Variants in C2CD5 observed in about 807,000 individuals in gnomAD.
C2CD5 encodes the protein C2 domain-containing protein 5.
A neutral mutation model predicts 130.3 loss-of-function variants in C2CD5; 109 were observed. The observed-to-expected ratio is 0.84, with a 90% CI of 0.72 to 0.98. The LOEUF is 0.98. C2CD5 is among the 50% of genes least tolerant of loss of function. The pLI is 0.00. For missense variants in C2CD5, 996 were observed against 1,261.8 expected, an observed-to-expected ratio of 0.79 and a Z score of 3.19; for synonymous variants, 454 against 429.2, an observed-to-expected ratio of 1.06 and a Z score of -0.71.
Position 22,471,468 on chromosome 12 carries a change from T to C in C2CD5, c.2289A>G (p.Arg763=). Residue 763 remains arginine (R), a synonymous_variant, in exon 20 of 27, where the codon CGA becomes CGG. Coordinates refer to ENST00000446597, the MANE Select transcript of C2CD5 (RefSeq NM_001286176.2). ...GGCAAAGGCAGCAGGGGATCATAGA[T>C]CGTAGTTTAAAGTACAGGCTCTACA... ...NLLKSLYFKL[R]SMIPCCLCHV... is the part of the protein sequence containing the mutation. The C allele has an allele frequency of 6.3e-7, 1 of 1,597,984 alleles. No homozygotes were observed. Among genetic ancestry groups the C allele is most frequent in the East Asian group, 2.2e-5 (1 of 44,664 alleles).
At position 22,453,933 on chromosome 12, in the gene C2CD5, T is replaced by C. The variant is rs964458413; in HGVS notation, c.2987A>G (p.Lys996Arg). ...TGGATTCTCCATGAAGACACACTGC[T>C]TCATTATGTAGGAGACAACAGCATT... ...GGNAVVSYIMKQCVFMENPNK... is the reference protein window; with the variant it reads ...GGNAVVSYIMRQCVFMENPNK... Residue 996 changes from lysine to arginine, a missense_variant, in exon 26 of 27, where the codon AAG (lysine) becomes AGG (arginine). By Grantham distance (26) the Lys-to-Arg change is conservative. Around this residue, in one of 9 missense-constraint regions of C2CD5, gnomAD observed 51 missense variants for 99.5 expected, o/e 0.51. Coordinates refer to ENST00000446597, the MANE Select transcript of C2CD5 (RefSeq NM_001286176.2). 2.5e-6 allele frequency: 4 copies of C among 1,613,730 alleles called. No individual in the cohort carries two copies. The highest frequency in any genetic ancestry group is 3.4e-6 in the Non-Finnish European group (4 of 1,179,742).
At chr12:22,471,863 C>G in intron 19 of C2CD5, 104 bp downstream of exon 19, 1 of 694,456 alleles carries the variant, frequency 1.4e-6, no homozygotes, top group Non-Finnish European at 2.6e-6. Context: ...AAGAATGATT[C>G]AGCCCACAAC....
intron 22 of C2CD5, among the ~76,000 whole-genome samples, chr12:22,464,575 T>C (rs1267955640): frequency 1.3e-5 from 2 of 152,168 alleles, no homozygotes; most frequent in African/African-American, 4.8e-5. Context: ...CCTTCCCATT[T>C]CTGGGATGAG....
intron 4 of C2CD5, among the ~76,000 whole-genome samples, chr12:22,527,109 T>C (rs1384098909): frequency 6.6e-6 from 1 of 152,132 alleles, no homozygotes; most frequent in African/African-American, 2.4e-5. Context: ...AACTTTTAAG[T>C]ACAAAAATCA....
At chr12:22,464,147 A>G (rs938938517) in intron 22 of C2CD5, among the ~76,000 whole-genome samples, 7 of 152,218 alleles carry the variant, frequency 4.6e-5, no homozygotes, top group African/African-American at 1.7e-4. Flanking sequence ...TAAGGCACAC[A>G]GAAAGACAGA....
intron 3 of C2CD5, 40 bp downstream of exon 3, chr12:22,535,217 CA>C (rs770756795): frequency 5.4e-6 from 6 of 1,120,736 alleles, no homozygotes; most frequent in South Asian, 1.3e-5. Flanking sequence ...AGAGTCACCT[CA>C]AAAAAATACA....
chr12:22,506,952 G>A lies in C2CD5; in HGVS notation c.1039-133C>T, dbSNP rs1253838485. ...AGGCCACCCATTACACATCACACAT[G>A]CTTTGTAATTAAAAGTTTAATTAAA... On this transcript the variant is annotated intron_variant, in intron 9 of 26. Coordinates refer to ENST00000446597, the MANE Select transcript of C2CD5 (RefSeq NM_001286176.2). 18 of 593,906 alleles carry A rather than the reference G, an allele frequency of 3.0e-5. No individual in the cohort carries two copies. The Admixed American group carries it at 3.1e-4, about 10-fold the overall frequency. The allele number at this position is 593,906 out of a possible 1,614,324, so 36.8% of individuals were successfully genotyped here. A position where few individuals can be genotyped will look rare whatever the true frequency, so the allele number is the denominator to read the frequency against.
At position 22,506,838 on chromosome 12, in the gene C2CD5, G is replaced by C; in HGVS notation, c.1039-19C>G. 1 of 1,409,762 alleles carries C rather than the reference G, an allele frequency of 7.1e-7. No individual in the cohort carries two copies. The allele number at this position is 1,409,762 out of a possible 1,614,324, so 87.3% of individuals were successfully genotyped here. A position where few individuals can be genotyped will look rare whatever the true frequency, so the allele number is the denominator to read the frequency against. On this transcript the variant is annotated intron_variant, in intron 9 of 26. Transcript: ENST00000446597. ...GAAATTCCTAGTGGAAAGAATAAGG[G>C]AAAAATACAACTTATCGTGTGTAGA... is the stretch of plus-strand genomic sequence containing the variant.
At position 22,529,596 on chromosome 12, in the gene C2CD5, T is replaced by C. The variant is rs530596392; in HGVS notation, c.178-1704A>G. 9.8e-5 allele frequency among the ~76,000 whole-genome samples: 15 copies of C among 152,320 alleles called. No homozygotes were observed. In the South Asian group the frequency reaches 3.1e-3, roughly 32 times the overall value. On this transcript the variant is annotated intron_variant, in intron 3 of 26. Coordinates refer to ENST00000446597, the MANE Select transcript of C2CD5 (RefSeq NM_001286176.2). ...AATGAATTAAGAATATTTAGTACAG[T>C]AAATGAAGCCTATCTGGAATCGCAA...
chr12:22,510,208 T>C (rs572627060), intron 9 of C2CD5, among the ~76,000 whole-genome samples: 1 of 149,706 alleles, frequency 6.7e-6, no homozygotes, highest in South Asian at 2.1e-4. Context: ...TTCATCTCAA[T>C]GAAAAAAAAA....
chr12:22,456,125 A>G (rs1939805620), intron 25 of C2CD5, among the ~76,000 whole-genome samples: 1 of 152,218 alleles, frequency 6.6e-6, no homozygotes, highest in Non-Finnish European at 1.5e-5. Context: ...GATATTAAAG[A>G]CAGTGTGCAG....
chr12:22,490,109 G>C lies in C2CD5; in HGVS notation c.1358+14C>G, dbSNP rs755572667. On this transcript the variant is annotated intron_variant, in intron 12 of 26. Transcript: ENST00000446597. ...TCTGCCCTTATAGAAAATAAGCCAGGCTGCCATGACAACCTCTGTTCCAAA... is the reference window on the plus strand; with the variant it reads ...TCTGCCCTTATAGAAAATAAGCCAGCCTGCCATGACAACCTCTGTTCCAAA... The C allele has an allele frequency of 6.3e-7, 1 of 1,597,438 alleles. No individual in the cohort carries two copies. The highest frequency in any genetic ancestry group is 8.6e-7 in the Non-Finnish European group (1 of 1,165,294).
intron 23 of C2CD5, chr12:22,458,904 C>T (rs1420084192): frequency 5.5e-6 from 1 of 183,166 alleles, no homozygotes; most frequent in Non-Finnish European, 1.1e-5. Context: ...ACTTTATTTC[C>T]TATTCTTCTT....
chr12:22,473,751 A>T (rs1363827685), intron 16 of C2CD5, among the ~76,000 whole-genome samples: 13 of 152,234 alleles, frequency 8.5e-5, no homozygotes, highest in Admixed American at 5.9e-4. Flanking sequence ...GGGGCCCAAG[A>T]ATTTGCATTT....
At chr12:22,518,381 A>C (rs1039609456) in intron 7 of C2CD5, among the ~76,000 whole-genome samples, 2 of 152,236 alleles carry the variant, frequency 1.3e-5, no homozygotes, top group Non-Finnish European at 2.9e-5. Flanking sequence ...ATGAAATGAC[A>C]GACTAAGGGG....
At chr12:22,476,211 A>G (rs1157824256) in intron 15 of C2CD5, among the ~76,000 whole-genome samples, 1 of 152,140 alleles carries the variant, frequency 6.6e-6, no homozygotes, top group East Asian at 1.9e-4. Context: ...AAACAGCAGC[A>G]TTTATTTCAG....
chr12:22,531,078 G>C (rs1951228652), intron 3 of C2CD5, among the ~76,000 whole-genome samples: 1 of 152,064 alleles, frequency 6.6e-6, no homozygotes, highest in African/African-American at 2.4e-5. Context: ...CCAGTGTTTT[G>C]CCTGGGTAAT....
At chr12:22,490,272 G>A (rs2136429711) in intron 11 of C2CD5, 54 bp from the exon 12 acceptor site, 1 of 1,215,962 alleles carries the variant, frequency 8.2e-7, no homozygotes, top group Non-Finnish European at 1.2e-6. Flanking sequence ...TATAACTTTG[G>A]GAAATGCTAA....
intron 7 of C2CD5, among the ~76,000 whole-genome samples, chr12:22,522,879 G>A (rs1950392526): frequency 6.6e-6 from 1 of 152,016 alleles, no homozygotes; most frequent in African/African-American, 2.4e-5. Context: ...CTAAATATCT[G>A]GAATAAGTTT....
Sources: allele counts gnomAD v4.1 joint callset (sites outside exome capture counted in the v4.1 genomes callset), GRCh38; gene constraint gnomAD v4.1.1; regional missense constraint gnomAD v4.1.1; transcripts MANE v1.5; gene names NCBI Gene and HGNC (gene_info 2026-07-23, HGNC 2026-07-21).